The following FLT1 variants were observed in gnomAD, a reference collection of about 807,000 sequenced individuals.
FLT1 encodes the protein vascular endothelial growth factor receptor 1.
Under a neutral mutation model 156.3 loss-of-function variants are expected in FLT1, and 49 were observed. That is an observed-to-expected ratio of 0.31 (90% CI 0.25 to 0.40). The LOEUF (loss-of-function observed/expected upper bound fraction) is 0.40, where lower values mean the gene tolerates loss of function less well. Among genes scored for constraint, FLT1 ranks in the 10% least tolerant of loss-of-function variants. The pLI is 1.00. For synonymous variants in FLT1, 594 were observed against 583.8 expected (o/e 1.02, Z -0.25); for missense variants, 1,322 against 1,637.2 (o/e 0.81, Z 3.32).
In FLT1 at chr13:28,438,253, T is replaced by A; in HGVS notation, c.481A>T (p.Thr161Ser). The A allele has an allele frequency of 6.2e-7, 1 of 1,614,032 alleles. No homozygotes were observed. Among genetic ancestry groups the A allele is most frequent in the Non-Finnish European group, 8.5e-7 (1 of 1,179,864 alleles). ...GRELVIPCRV[T>S]SPNITVTLKK... ...AAAGTAACAGTGATGTTAGGTGACG[T>A]AACCCGGCAGGGAATGACGAGCTCC... The change falls in exon 4 of 30, where the codon ACG becomes TCG. Residue 161 changes from threonine (T) to serine (S), a missense_variant. Physicochemically the swap from Thr to Ser is moderately conservative, Grantham distance 58. This residue lies in a region of FLT1 where 991 missense variants were observed against 1,254.8 expected (regional missense o/e 0.79). Coordinates refer to ENST00000282397, the MANE Select transcript of FLT1 (RefSeq NM_002019.4).
intron 1 of FLT1, among the ~76,000 whole-genome samples, chr13:28,489,686 AG>A (rs1881366701): frequency 6.6e-6 from 1 of 152,180 alleles, no homozygotes; most frequent in Admixed American, 6.5e-5. Flanking sequence ...CCTCTGAAGA[AG>A]GGGGAATAAT....
At chr13:28,446,185 C>T (rs373686798) in intron 3 of FLT1, among the ~76,000 whole-genome samples, 1 of 152,118 alleles carries the variant, frequency 6.6e-6, no homozygotes, top group African/African-American at 2.4e-5. Context: ...CTAGAAAAAA[C>T]CCTACGTCTA....
intron 20 of FLT1, among the ~76,000 whole-genome samples, chr13:28,326,594 C>T (rs1038958246): frequency 5.7e-5 from 8 of 140,764 alleles, no homozygotes; most frequent in East Asian, 2.1e-4. Context: ...GGCTTGATCT[C>T]GGCTCACTGC....
intron 29 of FLT1, among the ~76,000 whole-genome samples, chr13:28,305,660 T>C (rs1870712884): frequency 6.6e-6 from 1 of 152,262 alleles, no homozygotes; most frequent in Admixed American, 6.5e-5. Context: ...GGTTGCTTTT[T>C]ATACTATAAT....
intron 3 of FLT1, among the ~76,000 whole-genome samples, chr13:28,453,510 A>C (rs1879098877): frequency 6.6e-6 from 1 of 152,186 alleles, no homozygotes; most frequent in Non-Finnish European, 1.5e-5. Flanking sequence ...AGTCTTTTGC[A>C]TGTGTGCTGT....
chr13:28,348,006 A>G (rs1872620873), intron 15 of FLT1, among the ~76,000 whole-genome samples: 2 of 152,188 alleles, frequency 1.3e-5, no homozygotes. Context: ...ACAAGCGCAG[A>G]TTAATCACTT....
chr13:28,474,162 A>G (rs1207021189), intron 1 of FLT1, among the ~76,000 whole-genome samples: 1 of 146,184 alleles, frequency 6.8e-6, no homozygotes, highest in Non-Finnish European at 1.5e-5. Context: ...TATTGTTAAA[A>G]AACAAAAAAC....
intron 1 of FLT1, among the ~76,000 whole-genome samples, chr13:28,490,656 G>A (rs140843233): frequency 9.2e-5 from 14 of 152,248 alleles, no homozygotes; most frequent in African/African-American, 3.4e-4. Context: ...TCCTATAAAC[G>A]AAGGCCAATG....
chr13:28,451,417 C>T (rs113043766), intron 3 of FLT1, among the ~76,000 whole-genome samples: 2,464 of 152,270 alleles, frequency 0.016, 71 homozygotes, highest in African/African-American at 0.055. Flanking sequence ...AACGAGACTT[C>T]GTCTCAAAAC....
chr13:28,459,853 C>T (rs1165934368), intron 3 of FLT1, among the ~76,000 whole-genome samples: 2 of 152,208 alleles, frequency 1.3e-5, no homozygotes, highest in Non-Finnish European at 2.9e-5. Flanking sequence ...GCTCTCTGCC[C>T]AACACAGTGC....
intron 24 of FLT1, among the ~76,000 whole-genome samples, chr13:28,318,648 A>G (rs1871304763): frequency 6.6e-6 from 1 of 152,146 alleles, no homozygotes; most frequent in Admixed American, 6.5e-5. Context: ...CTGTCATCGA[A>G]AGCAGGGGAA....
chr13:28,412,163 G>A lies in FLT1; in HGVS notation c.1437-6269C>T, dbSNP rs935841064. Among the ~76,000 whole-genome samples, 7 of 152,134 alleles carry A rather than the reference G, an allele frequency of 4.6e-5. No individual in the cohort carries two copies. In the East Asian group the frequency reaches 5.8e-4, roughly 13 times the overall value. On this transcript the variant is annotated intron_variant, in intron 10 of 29. Transcript: ENST00000282397. ...AACCGGGGCTGGCCCCCATTATGGC[G>A]GCCATCCTGTAGCAGGGCCTGATGT...
chr13:28,413,376 C>G (rs1486864924), intron 10 of FLT1, among the ~76,000 whole-genome samples: 1 of 150,684 alleles, frequency 6.6e-6, no homozygotes, highest in Non-Finnish European at 1.5e-5. Flanking sequence ...CCCTCCACCC[C>G]CCAAGCCAGA....
chr13:28,327,371 C>A, intron 20 of FLT1, 91 bp downstream of exon 20: 1 of 815,118 alleles, frequency 1.2e-6, no homozygotes. Flanking sequence ...TCATTAACAA[C>A]ACAATACAGG....
At chr13:28,401,927 C>T (rs942811500) in intron 11 of FLT1, among the ~76,000 whole-genome samples, 39 of 152,104 alleles carry the variant, frequency 2.6e-4, no homozygotes, top group African/African-American at 7.5e-4. Flanking sequence ...GCTGTGATAA[C>T]GTATTTCCTG....
At chr13:28,438,173 G>A in intron 4 of FLT1, 48 bp downstream of exon 4, 2 of 1,585,942 alleles carry the variant, frequency 1.3e-6, no homozygotes, top group East Asian at 2.2e-5. Flanking sequence ...ACTTCATTAT[G>A]CTTATTTGCA....
intron 29 of FLT1, 76 bp downstream of exon 29, chr13:28,306,602 A>G (rs1051085316): frequency 9.5e-7 from 1 of 1,048,652 alleles, no homozygotes; most frequent in African/African-American, 1.6e-5. Flanking sequence ...AACATCCCTC[A>G]TTATACCACC....
At chr13:28,380,849 G>A (rs548907772) in intron 14 of FLT1, among the ~76,000 whole-genome samples, 134 of 152,266 alleles carry the variant, frequency 8.8e-4, no homozygotes, top group Non-Finnish European at 1.5e-3. Context: ...CCAAGACTAT[G>A]GGCCAGCTTA....
At chr13:28,385,570 A>G (rs1337310165) in intron 13 of FLT1, 1 of 1,014,420 alleles carries the variant, frequency 9.9e-7, no homozygotes, top group Admixed American at 5.9e-5. Flanking sequence ...TGAAAGCTTT[A>G]TTGGTTCTTT....
Sources: allele counts gnomAD v4.1 joint callset (sites outside exome capture counted in the v4.1 genomes callset), GRCh38; gene constraint gnomAD v4.1.1; regional missense constraint gnomAD v4.1.1; transcripts MANE v1.5; gene names NCBI Gene and HGNC (gene_info 2026-07-23, HGNC 2026-07-21).